SWT1: variants seen among roughly 807,000 people sequenced by gnomAD.
The protein encoded by SWT1 is transcriptional protein SWT1.
In SWT1, 33 loss-of-function variants were observed where a neutral mutation model predicts 107.3. That is an observed-to-expected ratio of 0.31 (90% confidence interval 0.23 to 0.41). The LOEUF (loss-of-function observed/expected upper bound fraction) is 0.41. SWT1 is among the 10% of genes least tolerant of loss of function. The pLI, the probability that SWT1 is intolerant of heterozygous loss-of-function variation, is 1.00. For synonymous variants in SWT1, 345 were observed against 348.3 expected, an observed-to-expected ratio of 0.99 and a Z score of 0.11; for missense variants, 898 against 1,028.9, an observed-to-expected ratio of 0.87 and a Z score of 1.74.
At chr1:185,182,857 C>T (rs1014557309) in intron 7 of SWT1, among the ~76,000 whole-genome samples, 34 of 152,014 alleles carry the variant, frequency 2.2e-4, no homozygotes, top group East Asian at 1.4e-3. Context: ...CAATGCTGAC[C>T]GGGCACGGTG....
chr1:185,180,442 G>T lies in SWT1; in HGVS notation c.1018G>T (p.Asp340Tyr). ...SVSSESIQDA[D>Y]QEMQIVEELH... is the part of the protein sequence containing the mutation. ...GTCATCTGAAAGTATCCAGGATGCA[G>T]ATCAAGAGGTTATTGATATTCTTGT... is the stretch of plus-strand genomic sequence containing the variant. Residue 340 changes from aspartate to tyrosine, a missense_variant, in exon 6 of 19, where the codon GAT becomes TAT. By Grantham distance (160) the Asp-to-Tyr change is radical (BLOSUM62 -3). Coordinates refer to ENST00000367500, the MANE Select transcript of SWT1 (RefSeq NM_017673.7). The T allele has an allele frequency of 6.2e-7, 1 of 1,610,770 alleles. No individual in the cohort carries two copies. The highest frequency in any genetic ancestry group is 8.5e-7 in the Non-Finnish European group (1 of 1,177,046).
intron 16 of SWT1, among the ~76,000 whole-genome samples, chr1:185,239,651 T>G (rs1477748848): frequency 6.6e-6 from 1 of 152,092 alleles, no homozygotes; most frequent in African/African-American, 2.4e-5. Flanking sequence ...TTTGAGCACT[T>G]TTGTTAATAG....
At chr1:185,161,747 A>G (rs1346622173) in intron 2 of SWT1, among the ~76,000 whole-genome samples, 1 of 152,188 alleles carries the variant, frequency 6.6e-6, no homozygotes, top group Non-Finnish European at 1.5e-5. Flanking sequence ...AATTTAGGGT[A>G]TCTCATTAAT....
rs74506023 is a variant in SWT1, at chr1:185,262,066, C to T, written c.2442-9257C>T. On this transcript the variant is annotated intron_variant, in intron 16 of 18. Coordinates refer to ENST00000367500, the MANE Select transcript of SWT1 (RefSeq NM_017673.7). ...TCTTCAGTTGCTCCTTCCTTGTTAA[C>T]GAGAGTGATCCTATTTGTCATATTA... Among the ~76,000 whole-genome samples the T allele has an allele frequency of 4.8e-3, 723 of 152,150 alleles. 6 individuals are homozygous for T. Among genetic ancestry groups the T allele is most frequent in the African/African-American group, 0.016 (682 of 41,498 alleles).
intron 16 of SWT1, among the ~76,000 whole-genome samples, chr1:185,258,679 A>G (rs575047283): frequency 6.6e-6 from 1 of 152,250 alleles, no homozygotes; most frequent in African/African-American, 2.4e-5. Flanking sequence ...GTCTGCTGTC[A>G]ACATGTTGCT....
intron 16 of SWT1, among the ~76,000 whole-genome samples, chr1:185,242,578 C>G (rs377202252): frequency 3.3e-5 from 5 of 152,078 alleles, no homozygotes; most frequent in Non-Finnish European, 2.9e-5. Flanking sequence ...TGTTAGTGTT[C>G]CCTTGGCCAG....
intron 6 of SWT1, 79 bp downstream of exon 6, chr1:185,180,529 T>G: frequency 1.0e-6 from 1 of 994,468 alleles, no homozygotes; most frequent in Admixed American, 1.9e-5. Flanking sequence ...ATAATGACTG[T>G]AGAAACCCTG....
In SWT1 at chr1:185,214,510, A is replaced by T. The variant is rs780814860; in HGVS notation, c.1976A>T (p.Asn659Ile). ...ESLYKNLRKA[N>I]KAVDFTTVKF... ...TGTCTTAATTTTCTGTTACCAGCTAATAAGGCAGTGGATTTTACAACAGTC... is the reference window on the plus strand; with the variant it reads ...TGTCTTAATTTTCTGTTACCAGCTATTAAGGCAGTGGATTTTACAACAGTC... Residue 659 changes from asparagine (N) to isoleucine (I), a missense_variant, in exon 14 of 19, where the codon AAT becomes ATT. Physicochemically the swap from Asn to Ile is moderately radical, Grantham distance 149. Around this residue, in one of 6 missense-constraint regions of SWT1, gnomAD observed 382 missense variants for 460.0 expected, o/e 0.83. Transcript: ENST00000367500. 6.2e-7 allele frequency: 1 copy of T among 1,606,446 alleles called. No homozygotes were observed. Among genetic ancestry groups the T allele is most frequent in the Admixed American group, 1.7e-5 (1 of 58,578 alleles).
intron 12 of SWT1, among the ~76,000 whole-genome samples, chr1:185,206,247 G>A (rs1055253620): frequency 5.3e-5 from 8 of 152,076 alleles, no homozygotes; most frequent in African/African-American, 1.7e-4. Context: ...ATGAGCCACC[G>A]AACATCTTTT....
At chr1:185,272,274 G>A (rs1423324168) in intron 17 of SWT1, among the ~76,000 whole-genome samples, 1 of 152,186 alleles carries the variant, frequency 6.6e-6, no homozygotes, top group Non-Finnish European at 1.5e-5. Context: ...TTACTGAACC[G>A]AAGCGGGTAT....
intron 16 of SWT1, among the ~76,000 whole-genome samples, chr1:185,256,989 TCCTTCTAAC>T (rs1662591620): frequency 6.6e-6 from 1 of 152,164 alleles, no homozygotes; most frequent in African/African-American, 2.4e-5. Flanking sequence ...TTGTTAGTTT[TCCTTCTAAC>T]AGACAGGACC....
chr1:185,202,840 T>G, intron 11 of SWT1, 41 bp downstream of exon 11: 2 of 1,096,562 alleles, frequency 1.8e-6, no homozygotes, highest in African/African-American at 1.6e-5. Context: ...ATATCTTATT[T>G]TATACACTAA....
chr1:185,157,113 A>C (rs544628698), upstream of SWT1: 3 of 186,784 alleles, frequency 1.6e-5, no homozygotes, highest in African/African-American at 7.1e-5. Flanking sequence ...GCGGGGCCGG[A>C]GTTCAAGCCT....
chr1:185,249,488 G>C (rs1661853940), intron 16 of SWT1, among the ~76,000 whole-genome samples: 2 of 152,068 alleles, frequency 1.3e-5, no homozygotes, highest in South Asian at 4.1e-4. Context: ...CCCTTTATAG[G>C]ATTAGGTTAA....
intron 5 of SWT1, among the ~76,000 whole-genome samples, chr1:185,175,511 A>T (rs1655469311): frequency 6.6e-6 from 1 of 152,232 alleles, no homozygotes; most frequent in African/African-American, 2.4e-5. Flanking sequence ...TACAGACGTG[A>T]GCCACTGCAC....
chr1:185,184,332 A>G lies in SWT1; in HGVS notation c.1228A>G (p.Thr410Ala), dbSNP rs745317102. The G allele has an allele frequency of 1.3e-6, 2 of 1,523,996 alleles. No individual in the cohort carries two copies. Among genetic ancestry groups the G allele is most frequent in the East Asian group, 2.3e-5 (1 of 44,184 alleles). 94.4% of individuals were successfully genotyped at this position (1,523,996 alleles called of 1,614,324 possible). A position where few individuals can be genotyped will look rare whatever the true frequency, so the allele number is the denominator to read the frequency against. ...CAAATTTGTTAGAATTTTGAAGACA[A>G]CAGAAGTACCAGGTATTTACAGAAC... ...HLKFVRILKT[T>A]EVPGFDKLVL... Residue 410 changes from threonine to alanine, a missense_variant, in exon 8 of 19, where the codon ACA (threonine) becomes GCA (alanine). By Grantham distance (58) the Thr-to-Ala change is moderately conservative. Around this residue, in one of 6 missense-constraint regions of SWT1, gnomAD observed 94 missense variants for 114.5 expected, o/e 0.82. Transcript: ENST00000367500.
chr1:185,271,005 A>G (rs1023989846), intron 16 of SWT1, among the ~76,000 whole-genome samples: 4 of 152,218 alleles, frequency 2.6e-5, no homozygotes, highest in Non-Finnish European at 4.4e-5. Context: ...ATTTCTGTCT[A>G]CTTTTTGAGA....
chr1:185,236,215 A>G (rs1018726003), intron 16 of SWT1, among the ~76,000 whole-genome samples: 2 of 152,166 alleles, frequency 1.3e-5, no homozygotes, highest in African/African-American at 4.8e-5. Context: ...TTCATATGGA[A>G]CCAAAAAAGA....
At chr1:185,230,408 C>T (rs1660424936) in intron 15 of SWT1, among the ~76,000 whole-genome samples, 1 of 152,160 alleles carries the variant, frequency 6.6e-6, no homozygotes, top group African/African-American at 2.4e-5. Flanking sequence ...TTTCTCTTTT[C>T]TTCTGGTAGT....
Sources: gnomAD v4.1 joint callset for allele counts (sites outside exome capture counted in the v4.1 genomes callset) on GRCh38, gnomAD v4.1.1 for gene constraint, gnomAD v4.1.1 regional missense constraint, MANE v1.5 for transcripts, NCBI Gene and HGNC (gene_info 2026-07-23, HGNC 2026-07-21) for gene names.